ARHGEF17: variants seen among roughly 807,000 people sequenced by gnomAD.
ARHGEF17 encodes 164 kDa Rho-specific guanine-nucleotide exchange factor.
Under a neutral mutation model 174.0 loss-of-function variants are expected in ARHGEF17, and 80 were observed. That is an observed-to-expected ratio of 0.46 (90% confidence interval 0.38 to 0.55). The LOEUF is 0.55. Ranked by LOEUF, ARHGEF17 falls within the 20% of genes least tolerant of loss-of-function variation. ARHGEF17 has a pLI of 0.00. For missense variants in ARHGEF17, 2,886 were observed against 2,839.7 expected (o/e 1.02, Z -0.37); for synonymous variants, 1,311 against 1,189.1 (o/e 1.10, Z -2.11).
intron 1 of ARHGEF17, among the ~76,000 whole-genome samples, chr11:73,344,695 C>T (rs1007582296): frequency 6.6e-6 from 1 of 152,210 alleles, no homozygotes; most frequent in Non-Finnish European, 1.5e-5. Context: ...TTTGCCTTCA[C>T]GGTGATGGGA....
rs915229548 is a variant in ARHGEF17, at chr11:73,357,434, C to T, written c.4087+107C>T. ...GGCTGCCTGTCCAGCTGCTTTTCCA[C>T]TTTTGGGCCTCGCTCTCTCATCCAG... On this transcript the variant is annotated intron_variant, in intron 9 of 20. Transcript: ENST00000263674. 2.7e-5 allele frequency: 29 copies of T among 1,055,886 alleles called. 1 individual carries two copies. The South Asian group carries it at 4.4e-4, about 16-fold the overall frequency. 65.4% of individuals were successfully genotyped at this position (1,055,886 alleles called of 1,614,324 possible).
chr11:73,312,998 C>CA (rs1806655949), intron 1 of ARHGEF17, among the ~76,000 whole-genome samples: 1 of 152,174 alleles, frequency 6.6e-6, no homozygotes, highest in Non-Finnish European at 1.5e-5. Context: ...TCAGCGATGG[C>CA]CAGTGGTTAC....
Position 73,363,769 on chromosome 11 carries a change from G to A in ARHGEF17, c.5269G>A (p.Asp1757Asn), listed in dbSNP as rs775055872. Reference sequence around the variant, plus strand: ...CAGTGTCCACGTGTACCAGTCCTCCGACAGCATCCGTGACCGCAGGAACAG... The same window carrying A: ...CAGTGTCCACGTGTACCAGTCCTCCAACAGCATCCGTGACCGCAGGAACAG... ...DGCVHVYQSS[D>N]SIRDRRNSMK... Residue 1757 changes from aspartate to asparagine, a missense_variant, in exon 16 of 21, where the codon GAC becomes AAC. Around this residue, in one of 4 missense-constraint regions of ARHGEF17, gnomAD observed 329 missense variants for 435.2 expected, o/e 0.76. Transcript: ENST00000263674. 1.2e-5 allele frequency: 20 copies of A among 1,613,910 alleles called. No individual in the cohort carries two copies. In the Admixed American group the frequency reaches 2.0e-4, roughly 16 times the overall value.
chr11:73,312,493 C>T (rs908495361), intron 1 of ARHGEF17, among the ~76,000 whole-genome samples: 35 of 152,132 alleles, frequency 2.3e-4, no homozygotes, highest in African/African-American at 8.5e-4. Context: ...AAACTAGTGC[C>T]TATGTTTCCA....
At chr11:73,366,074 G>T in intron 20 of ARHGEF17, 127 bp downstream of exon 20, 1 of 1,265,122 alleles carries the variant, frequency 7.9e-7, no homozygotes, top group Non-Finnish European at 1.1e-6. Flanking sequence ...TGGCATATGT[G>T]ACAGGAAATA....
At chr11:73,317,367 A>G (rs1338421398) in intron 1 of ARHGEF17, among the ~76,000 whole-genome samples, 4 of 152,188 alleles carry the variant, frequency 2.6e-5, no homozygotes, top group Admixed American at 2.0e-4. Flanking sequence ...CATGGCTCCA[A>G]TAGTCCAATA....
At chr11:73,322,558 C>T (rs1370599847) in intron 1 of ARHGEF17, among the ~76,000 whole-genome samples, 1 of 152,148 alleles carries the variant, frequency 6.6e-6, no homozygotes, top group African/African-American at 2.4e-5. Context: ...AGTGCAGTGA[C>T]GTGGTTCACC....
chr11:73,347,285 A>G, intron 2 of ARHGEF17: 1 of 439,286 alleles, frequency 2.3e-6, no homozygotes, highest in South Asian at 2.2e-5. Context: ...CATTGTATTC[A>G]CTGACTGGGA....
At chr11:73,346,401 C>T (rs1022047505) in intron 1 of ARHGEF17, among the ~76,000 whole-genome samples, 1 of 152,178 alleles carries the variant, frequency 6.6e-6, no homozygotes, top group Non-Finnish European at 1.5e-5. Flanking sequence ...TCCTCTGTAG[C>T]AGGGTGATGG....
rs778572734 is a variant in ARHGEF17, at chr11:73,310,391, C to G, written c.1753C>G (p.Leu585Val). 5.0e-6 allele frequency: 8 copies of G among 1,613,850 alleles called. No individual in the cohort carries two copies. The Admixed American group carries it at 5.0e-5, about 10-fold the overall frequency. ...GPGAEEDPLP[L>V]IVQDQYVQEA... ...TGGTGCCGAGGAGGATCCGCTGCCC[C>G]TCATCGTCCAGGACCAATATGTGCA... Residue 585 changes from leucine (L) to valine (V), a missense_variant, in exon 1 of 21, where the codon CTC becomes GTC. By Grantham distance (32) the Leu-to-Val change is conservative. Transcript: ENST00000263674.
In ARHGEF17 at chr11:73,355,667, A is replaced by G. The variant is rs750459922; in HGVS notation, c.3570+18A>G. ...TCCTAGAGGTACTGTGGGCTAGGGC[A>G]GGGGGATGGAGGTGACCCTCACCTT... is the stretch of plus-strand genomic sequence containing the variant. On this transcript the variant is annotated intron_variant, in intron 4 of 20. Transcript: ENST00000263674. 22 of 1,606,016 alleles carry G rather than the reference A, an allele frequency of 1.4e-5. No homozygotes were observed. Among genetic ancestry groups the G allele is most frequent in the Non-Finnish European group, 1.8e-5 (21 of 1,172,836 alleles).
Position 73,362,481 on chromosome 11 carries a change from C to T in ARHGEF17, c.4743C>T (p.Pro1581=), listed in dbSNP as rs116785042. The T allele has an allele frequency of 2.0e-3, 3,202 of 1,595,394 alleles. 52 individuals carry two copies. The African/African-American group carries it at 0.038, about 19-fold the overall frequency. Residue 1581 remains proline, a synonymous_variant, in exon 14 of 21, where the codon CCC becomes CCT. Coordinates refer to ENST00000263674, the MANE Select transcript of ARHGEF17 (RefSeq NM_014786.4). ...GTCCTCCAGAGACGGCACCGGAGCC[C>T]GCCGGGCCGGAGCTGGACGTCGAGG... The part of the protein sequence containing the change: ...LRSPPETAPE[P]AGPELDVEAA...
intron 9 of ARHGEF17, among the ~76,000 whole-genome samples, chr11:73,358,798 G>A (rs1056862098): frequency 7.2e-5 from 11 of 152,070 alleles, no homozygotes; most frequent in African/African-American, 2.7e-4. Flanking sequence ...CTCAGGATTC[G>A]ATTTCAACCT....
rs137878981 is a variant in ARHGEF17 at position 73,367,976 on chromosome 11, C to T, written c.*196C>T. On this transcript the variant is annotated 3_prime_UTR_variant, in exon 21 of 21. Transcript: ENST00000263674. Reference sequence around the variant, plus strand: ...CAGCCAGGCCATGGCTTCTCCCGACCCTCTGGCTGCCCCGGTGCTTCCAGT... The same window carrying T: ...CAGCCAGGCCATGGCTTCTCCCGACTCTCTGGCTGCCCCGGTGCTTCCAGT... 1 of 573,762 alleles carries T rather than the reference C, an allele frequency of 1.7e-6. No individual in the cohort carries two copies. Among genetic ancestry groups the T allele is most frequent in the African/African-American group, 1.9e-5 (1 of 53,606 alleles). 35.5% of individuals were successfully genotyped at this position (573,762 alleles called of 1,614,324 possible). A position where few individuals can be genotyped will look rare whatever the true frequency, so the allele number is the denominator to read the frequency against.
Position 73,308,716 on chromosome 11 carries a change from C to A in ARHGEF17, c.78C>A (p.Pro26=). The A allele has an allele frequency of 6.6e-7, 1 of 1,513,966 alleles. No homozygotes were observed. The highest frequency in any genetic ancestry group is 8.8e-7 in the Non-Finnish European group (1 of 1,135,606). 93.8% of individuals were successfully genotyped at this position (1,513,966 alleles called of 1,614,324 possible). ...FKLLERWSGG[P]GLREEDTDTP... ...TGCTGGAGCGCTGGAGCGGCGGCCCCGGGCTGAGGGAGGAGGACACGGACA... is the reference window on the plus strand; with the variant it reads ...TGCTGGAGCGCTGGAGCGGCGGCCCAGGGCTGAGGGAGGAGGACACGGACA... The change falls in exon 1 of 21, where the codon CCC becomes CCA. Residue 26 remains proline, a synonymous_variant. Coordinates refer to ENST00000263674, the MANE Select transcript of ARHGEF17 (RefSeq NM_014786.4).
intron 16 of ARHGEF17, 30 bp downstream of exon 16, chr11:73,363,863 A>C: frequency 6.2e-7 from 1 of 1,605,366 alleles, no homozygotes; most frequent in Non-Finnish European, 8.5e-7. Context: ...CTTCCTATCT[A>C]GACTCTTCTC....
In ARHGEF17 at chr11:73,356,251, T is replaced by C. The variant is rs1455756355; in HGVS notation, c.3740T>C (p.Val1247Ala). The C allele has an allele frequency of 6.2e-7, 1 of 1,613,668 alleles. No homozygotes were observed. Among genetic ancestry groups the C allele is most frequent in the African/African-American group, 1.3e-5 (1 of 74,876 alleles). ...LLEAQRNIKQ[V>A]AERINKGVRS... is the part of the protein sequence containing the mutation. ...GAGGCGCAGCGGAACATCAAGCAGG[T>C]GGCTGAGCGCATCAACAAGGGTGTG... Residue 1247 changes from valine (V) to alanine (A), a missense_variant, in exon 6 of 21, where the codon GTG becomes GCG. Transcript: ENST00000263674.
intron 13 of ARHGEF17, 88 bp from the exon 14 acceptor site, chr11:73,362,345 C>T (rs902673731): frequency 3.8e-5 from 55 of 1,444,898 alleles, no homozygotes; most frequent in African/African-American, 1.3e-4. Context: ...CGGGGCCCGG[C>T]GAGTGTGGGC....
chr11:73,334,199 G>A (rs758073788), intron 1 of ARHGEF17, among the ~76,000 whole-genome samples: 1 of 152,198 alleles, frequency 6.6e-6, no homozygotes, highest in Non-Finnish European at 1.5e-5. Flanking sequence ...TGCTGATTGG[G>A]GAATTAGCAC....
Sources: gnomAD v4.1 joint callset for allele counts (sites outside exome capture counted in the v4.1 genomes callset) on GRCh38, gnomAD v4.1.1 for gene constraint, gnomAD v4.1.1 regional missense constraint, MANE v1.5 for transcripts, NCBI Gene and HGNC (gene_info 2026-07-23, HGNC 2026-07-21) for gene names.